Variants in CLASP2 observed in about 807,000 individuals in gnomAD.
The protein encoded by CLASP2 is CLIP-associating protein 2.
A neutral mutation model predicts 194.4 loss-of-function variants in CLASP2; 47 were observed. The observed-to-expected ratio is 0.24, with a 90% CI of 0.19 to 0.31. The LOEUF (loss-of-function observed/expected upper bound fraction) is 0.31, where lower values mean the gene tolerates loss of function less well. Ranked by LOEUF, CLASP2 falls within the 10% of genes least tolerant of loss-of-function variation. The probability of loss-of-function intolerance (pLI) is 1.00; values close to 1 mark genes in which losing one functional copy is unlikely to be tolerated. For synonymous variants in CLASP2, 619 were observed against 633.5 expected (o/e 0.98, Z 0.34); for missense variants, 1,445 against 1,823.6 (o/e 0.79, Z 3.78).
intron 34 of CLASP2, among the ~76,000 whole-genome samples, chr3:33,528,957 TAAAC>T (rs2055398964): frequency 6.6e-6 from 1 of 152,180 alleles, no homozygotes; most frequent in Non-Finnish European, 1.5e-5. Context: ...CTCAAGCTGA[TAAAC>T]AACTTCAGCT....
At chr3:33,571,557 C>A (rs374187518) in intron 25 of CLASP2, among the ~76,000 whole-genome samples, 1 of 151,716 alleles carries the variant, frequency 6.6e-6, no homozygotes, top group Non-Finnish European at 1.5e-5. Flanking sequence ...ATTGCTTGAA[C>A]CCGGGGGGCA....
chr3:33,596,459 C>A, intron 19 of CLASP2: 1 of 362,140 alleles, frequency 2.8e-6, no homozygotes. Context: ...TCTAAGAGCT[C>A]AGGCAAACAT....
At chr3:33,643,700 G>T (rs1053716565) in intron 8 of CLASP2, among the ~76,000 whole-genome samples, 1 of 151,792 alleles carries the variant, frequency 6.6e-6, no homozygotes, top group African/African-American at 2.4e-5. Flanking sequence ...TCGTTTAAAT[G>T]AAATACTTAT....
intron 8 of CLASP2, among the ~76,000 whole-genome samples, chr3:33,638,661 T>C (rs906497238): frequency 2.0e-5 from 3 of 152,192 alleles, no homozygotes; most frequent in Non-Finnish European, 4.4e-5. Flanking sequence ...ACAGAAATGA[T>C]CAGTTGATGA....
chr3:33,539,049 T>C, intron 32 of CLASP2, 107 bp from the exon 33 acceptor site: 5 of 777,822 alleles, frequency 6.4e-6, no homozygotes, highest in Non-Finnish European at 9.3e-6. Context: ...AGAGAATGTA[T>C]ATTCTCAGAG....
intron 36 of CLASP2, among the ~76,000 whole-genome samples, chr3:33,514,276 C>T (rs989452018): frequency 6.6e-6 from 1 of 151,342 alleles, no homozygotes; most frequent in Non-Finnish European, 1.5e-5. Context: ...CGTAAGCCAC[C>T]ATGCCCAGCC....
intron 2 of CLASP2, among the ~76,000 whole-genome samples, chr3:33,690,755 G>A (rs1201058253): frequency 6.6e-6 from 1 of 152,128 alleles, no homozygotes; most frequent in Non-Finnish European, 1.5e-5. Flanking sequence ...ATTCGGTATG[G>A]GATGTGAATC....
intron 1 of CLASP2, among the ~76,000 whole-genome samples, chr3:33,699,942 A>G (rs1300739552): frequency 6.6e-6 from 1 of 152,092 alleles, no homozygotes; most frequent in Non-Finnish European, 1.5e-5. Context: ...GATATTTTAA[A>G]AGACATTTTA....
rs1277322948 is a variant in CLASP2, at chr3:33,590,199, A to G, written c.2068+2196T>C. Among the ~76,000 whole-genome samples, 3 of 152,174 alleles carry G rather than the reference A, an allele frequency of 2.0e-5. No individual in the cohort carries two copies. In the East Asian group the frequency reaches 5.8e-4, roughly 29 times the overall value. ...TCTATTAAATATGCTACATCATTTA[A>G]TCCTCACAACAATCCTATGTAGATG... On this transcript the variant is annotated intron_variant, in intron 21 of 38. Transcript: ENST00000682230.
At chr3:33,694,025 T>G (rs1455641856) in intron 2 of CLASP2, among the ~76,000 whole-genome samples, 5 of 151,818 alleles carry the variant, frequency 3.3e-5, no homozygotes, top group African/African-American at 1.2e-4. Context: ...AACCTGAAAA[T>G]TCCTGAGATT....
rs558719324 is a variant in CLASP2 at position 33,632,264 on chromosome 3, T to C, written c.942+28A>G. 12 of 1,459,710 alleles carry C rather than the reference T, an allele frequency of 8.2e-6. No homozygotes were observed. In the African/African-American group the frequency reaches 1.4e-4, roughly 17 times the overall value. 90.4% of individuals were successfully genotyped at this position (1,459,710 alleles called of 1,614,324 possible). ...ATATGAACAGGCACACAGGCAATATTCACGGGGAGTGCCACTGGTAGCCTT... is the reference window on the plus strand; with the variant it reads ...ATATGAACAGGCACACAGGCAATATCCACGGGGAGTGCCACTGGTAGCCTT... On this transcript the variant is annotated intron_variant, in intron 9 of 38. Coordinates refer to ENST00000682230, the MANE Select transcript of CLASP2 (RefSeq NM_001365631.1).
intron 3 of CLASP2, among the ~76,000 whole-genome samples, chr3:33,689,482 T>C (rs1320977126): frequency 6.6e-6 from 1 of 152,050 alleles, no homozygotes; most frequent in Admixed American, 6.5e-5. Context: ...GTTGCAGAAA[T>C]GAACAATATA....
chr3:33,640,711 T>TA (rs2081126511), intron 8 of CLASP2, among the ~76,000 whole-genome samples: 1 of 152,078 alleles, frequency 6.6e-6, no homozygotes, highest in Admixed American at 6.5e-5. Context: ...CTTATTTTTT[T>TA]AAAAAGAGTA....
chr3:33,613,367 A>C (rs2075547491), intron 12 of CLASP2, among the ~76,000 whole-genome samples: 1 of 152,208 alleles, frequency 6.6e-6, no homozygotes, highest in Non-Finnish European at 1.5e-5. Flanking sequence ...CACATCAATC[A>C]GTTATTGGAT....
At chr3:33,627,161 C>A (rs946418217) in intron 9 of CLASP2, 81 bp from the exon 10 acceptor site, 3 of 783,452 alleles carry the variant, frequency 3.8e-6, no homozygotes, top group South Asian at 1.6e-5. Flanking sequence ...TTAAAATAAT[C>A]TTTCACCTAT....
chr3:33,585,821 G>A (rs895195568), intron 21 of CLASP2, among the ~76,000 whole-genome samples: 1 of 151,674 alleles, frequency 6.6e-6, no homozygotes, highest in African/African-American at 2.4e-5. Flanking sequence ...AAAAAAACCC[G>A]GTAATTCTAT....
chr3:33,659,061 C>T (rs2084823510), intron 7 of CLASP2: 2 of 1,527,176 alleles, frequency 1.3e-6, no homozygotes, highest in African/African-American at 1.4e-5. Context: ...TCAGTGCCTG[C>T]GCCACTGGGC....
intron 12 of CLASP2, among the ~76,000 whole-genome samples, chr3:33,615,647 T>C (rs1049871269): frequency 6.6e-6 from 1 of 151,440 alleles, no homozygotes; most frequent in South Asian, 2.1e-4. Context: ...CTCAATTCTA[T>C]GCCAAAGAAT....
chr3:33,594,941 T>C lies in CLASP2; in HGVS notation c.1966+10A>G. 2 of 1,383,990 alleles carry C rather than the reference T, an allele frequency of 1.4e-6. No individual in the cohort carries two copies. Among genetic ancestry groups the C allele is most frequent in the African/African-American group, 1.5e-5 (1 of 68,376 alleles). The allele number at this position is 1,383,990 out of a possible 1,614,324, so 85.7% of individuals were successfully genotyped here. A position where few individuals can be genotyped will look rare whatever the true frequency, so the allele number is the denominator to read the frequency against. ...GTATTTGTGTTACTAACAAAATGTATAGTTCTTACCATCTTCAGATGCTGT... is the reference window on the plus strand; with the variant it reads ...GTATTTGTGTTACTAACAAAATGTACAGTTCTTACCATCTTCAGATGCTGT... On this transcript the variant is annotated intron_variant, in intron 20 of 38. Transcript: ENST00000682230.
Sources: gnomAD v4.1 joint callset for allele counts (sites outside exome capture counted in the v4.1 genomes callset) on GRCh38, gnomAD v4.1.1 for gene constraint, MANE v1.5 for transcripts, NCBI Gene and HGNC (gene_info 2026-07-23, HGNC 2026-07-21) for gene names.